Variants in ANKRD30B observed in about 807,000 individuals in gnomAD.
ANKRD30B encodes the protein ankyrin repeat domain-containing protein 30B.
ANKRD30B carries 144 observed loss-of-function variants against 202.2 expected under a neutral mutation model. That is an observed-to-expected ratio of 0.71 (90% CI 0.62 to 0.82). The LOEUF (loss-of-function observed/expected upper bound fraction) is 0.82. Ranked by LOEUF, ANKRD30B falls within the 40% of genes least tolerant of loss-of-function variation. ANKRD30B has a pLI of 0.00. For missense variants in ANKRD30B, 1,487 were observed against 1,669.1 expected, an observed-to-expected ratio of 0.89 and a Z score of 1.90; for synonymous variants, 508 against 561.3, an observed-to-expected ratio of 0.91 and a Z score of 1.34.
At position 14,851,494 on chromosome 18, in the gene ANKRD30B, T is replaced by G; in HGVS notation, c.3565-15T>G. Reference sequence around the variant, plus strand: ...TTATTGAGTGCTAGTTAAATTTTTATTTTGTTTTATTTAGGTTTCTCACAC... The same window carrying G: ...TTATTGAGTGCTAGTTAAATTTTTAGTTTGTTTTATTTAGGTTTCTCACAC... On this transcript the variant is annotated splice_polypyrimidine_tract_variant and intron_variant, in intron 41 of 43. Coordinates refer to ENST00000690538, the MANE Select transcript of ANKRD30B (RefSeq NM_001367607.2). 3 of 1,493,604 alleles carry G rather than the reference T, an allele frequency of 2.0e-6. No homozygotes were observed. The highest frequency in any genetic ancestry group is 2.7e-6 in the Non-Finnish European group (3 of 1,123,698). The allele number at this position is 1,493,604 out of a possible 1,614,324, so 92.5% of individuals were successfully genotyped here. A position where few individuals can be genotyped will look rare whatever the true frequency, so the allele number is the denominator to read the frequency against.
At chr18:14,908,399 A>T in the ANKRD30B span, among the ~76,000 whole-genome samples, 3 of 152,158 alleles carry the variant, frequency 2.0e-5, no homozygotes, top group Non-Finnish European at 4.4e-5. Flanking sequence ...CTCATCAGCC[A>T]ACTCAACATA....
chr18:14,773,566 A>C (rs1190517440), intron 9 of ANKRD30B, among the ~76,000 whole-genome samples: 1 of 152,174 alleles, frequency 6.6e-6, no homozygotes, highest in Non-Finnish European at 1.5e-5. Context: ...AGACAATCAG[A>C]GATATGTAGT....
chr18:14,914,118 T>A, the ANKRD30B span, among the ~76,000 whole-genome samples: 7 of 152,190 alleles, frequency 4.6e-5, no homozygotes, highest in Admixed American at 3.3e-4. Flanking sequence ...GTTAAGAATG[T>A]CCATGATGCT....
chr18:14,765,178 C>A (rs1278804215), intron 7 of ANKRD30B, among the ~76,000 whole-genome samples: 2 of 151,986 alleles, frequency 1.3e-5, no homozygotes, highest in African/African-American at 4.8e-5. Flanking sequence ...ATATGTTAGA[C>A]CGCTGGGTGT....
intron 39 of ANKRD30B, among the ~76,000 whole-genome samples, chr18:14,847,571 C>T (rs1971701389): frequency 7.6e-6 from 1 of 131,478 alleles, no homozygotes; most frequent in South Asian, 2.4e-4. Flanking sequence ...TCATCTGCAG[C>T]ATTGTAACTT....
the ANKRD30B span, among the ~76,000 whole-genome samples, chr18:14,917,997 C>A: frequency 1.3e-5 from 2 of 152,152 alleles, no homozygotes; most frequent in African/African-American, 4.8e-5. Flanking sequence ...ATTGAAGACA[C>A]GTCTTATCTG....
At chr18:14,910,566 G>A in the ANKRD30B span, among the ~76,000 whole-genome samples, 1 of 151,022 alleles carries the variant, frequency 6.6e-6, no homozygotes, top group African/African-American at 2.4e-5. Flanking sequence ...TTTGCTATTG[G>A]GAATAGCGCT....
the ANKRD30B span, among the ~76,000 whole-genome samples, chr18:14,912,105 C>A: frequency 6.6e-6 from 1 of 152,050 alleles, no homozygotes; most frequent in Non-Finnish European, 1.5e-5. Context: ...GTTTGAATGT[C>A]TTTTGATTTA....
chr18:14,855,212 C>G (rs1182356283), downstream of ANKRD30B, among the ~76,000 whole-genome samples: 2 of 152,112 alleles, frequency 1.3e-5, no homozygotes, highest in African/African-American at 4.8e-5. Flanking sequence ...TCAGAGAGCA[C>G]GGGGTTGGGG....
the ANKRD30B span, among the ~76,000 whole-genome samples, chr18:14,909,364 C>T: frequency 6.6e-6 from 1 of 152,120 alleles, no homozygotes; most frequent in African/African-American, 2.4e-5. Context: ...CACTGCTGAA[C>T]AGTCAATATT....
intron 9 of ANKRD30B, among the ~76,000 whole-genome samples, chr18:14,777,446 C>T (rs1216753211): frequency 1.3e-5 from 2 of 151,564 alleles, no homozygotes; most frequent in Non-Finnish European, 2.9e-5. Context: ...TACAGGCACC[C>T]ACCACCACGC....
the ANKRD30B span, among the ~76,000 whole-genome samples, chr18:14,872,737 C>G: frequency 6.6e-6 from 1 of 152,174 alleles, no homozygotes; most frequent in Admixed American, 6.5e-5. Context: ...CAGCTGAGCC[C>G]TGAAACCTTC....
intron 7 of ANKRD30B, among the ~76,000 whole-genome samples, chr18:14,765,727 G>C (rs1176145051): frequency 6.6e-6 from 1 of 151,992 alleles, no homozygotes; most frequent in Non-Finnish European, 1.5e-5. Context: ...GTAAGCTTTT[G>C]TAGTAGTTCA....
the ANKRD30B span, among the ~76,000 whole-genome samples, chr18:14,887,377 A>G: frequency 6.6e-6 from 1 of 152,174 alleles, no homozygotes; most frequent in Non-Finnish European, 1.5e-5. Context: ...CTAAATTTAA[A>G]TATACATAGT....
chr18:14,800,089 G>A (rs577760075), intron 22 of ANKRD30B, among the ~76,000 whole-genome samples: 14 of 151,360 alleles, frequency 9.2e-5, no homozygotes, highest in Non-Finnish European at 1.5e-4. Context: ...AACAATAGCC[G>A]GTTGTGGTGG....
At chr18:14,893,771 C>T in the ANKRD30B span, among the ~76,000 whole-genome samples, 8 of 151,164 alleles carry the variant, frequency 5.3e-5, no homozygotes, top group African/African-American at 1.2e-4. Flanking sequence ...ACAGTGTATC[C>T]GTTGCCTCAC....
intron 39 of ANKRD30B, among the ~76,000 whole-genome samples, chr18:14,847,802 C>T (rs1971715201): frequency 1.3e-5 from 2 of 151,882 alleles, no homozygotes; most frequent in Non-Finnish European, 2.9e-5. Context: ...TAAAAATAGA[C>T]ACTCTTCTTG....
At chr18:14,786,023 C>A (rs1329831166) in intron 14 of ANKRD30B, among the ~76,000 whole-genome samples, 1 of 111,324 alleles carries the variant, frequency 9.0e-6, no homozygotes, top group South Asian at 3.1e-4. Context: ...CCGGCCTGGG[C>A]GACAGAGCGA....
At chr18:14,794,616 G>A (rs1219925354) in intron 16 of ANKRD30B, among the ~76,000 whole-genome samples, 4 of 152,124 alleles carry the variant, frequency 2.6e-5, no homozygotes, top group African/African-American at 7.2e-5. Context: ...TTAATGAATC[G>A]AGGACGATCT....
Sources: gnomAD v4.1 joint callset for allele counts (sites outside exome capture counted in the v4.1 genomes callset) on GRCh38, gnomAD v4.1.1 for gene constraint, MANE v1.5 for transcripts, NCBI Gene and HGNC (gene_info 2026-07-23, HGNC 2026-07-21) for gene names.